Variants in COL4A1 observed in about 807,000 individuals in gnomAD.
COL4A1 encodes the protein collagen alpha-1(IV) chain.
Under a neutral mutation model 216.6 loss-of-function variants are expected in COL4A1, and 40 were observed. The observed-to-expected ratio is 0.18, with a 90% CI of 0.14 to 0.24. COL4A1 has a LOEUF of 0.24. Among genes scored for constraint, COL4A1 ranks in the 10% least tolerant of loss-of-function variants. The probability of loss-of-function intolerance (pLI) is 1.00; values close to 1 mark genes in which losing one functional copy is unlikely to be tolerated. For missense variants in COL4A1, 1,628 were observed against 2,196.8 expected (o/e 0.74, Z 5.18); for synonymous variants, 839 against 810.7 (o/e 1.03, Z -0.59).
chr13:110,172,698 G>A (rs373720242), intron 41 of COL4A1, 22 bp downstream of exon 41: 11 of 1,611,792 alleles, frequency 6.8e-6, no homozygotes, highest in African/African-American at 6.7e-5. Flanking sequence ...TGAAAAGGAA[G>A]AGCACAGTGA....
intron 2 of COL4A1, among the ~76,000 whole-genome samples, chr13:110,227,340 T>C (rs1880778869): frequency 6.6e-6 from 1 of 151,552 alleles, no homozygotes; most frequent in Non-Finnish European, 1.5e-5. Flanking sequence ...GGATTTTTTT[T>C]TAAGTTACAT....
At chr13:110,217,316 G>C (rs2139211390) in intron 2 of COL4A1, among the ~76,000 whole-genome samples, 1 of 152,298 alleles carries the variant, frequency 6.6e-6, no homozygotes, top group South Asian at 2.1e-4. Context: ...AAGGTTATTG[G>C]AGCTAGCAGG....
Position 110,156,577 on chromosome 13 carries a change from A to G in COL4A1, c.4641-1180T>C, listed in dbSNP as rs867573350. ...CTCCCAAGCCAGGCTGATTCAGCTCAGCCTTGGGACTGCACCAGAAACACA... is the reference window on the plus strand; with the variant it reads ...CTCCCAAGCCAGGCTGATTCAGCTCGGCCTTGGGACTGCACCAGAAACACA... On this transcript the variant is annotated intron_variant, in intron 49 of 51. Coordinates refer to ENST00000375820, the MANE Select transcript of COL4A1 (RefSeq NM_001845.6). Among the ~76,000 whole-genome samples the G allele has an allele frequency of 2.6e-5, 4 of 152,336 alleles. No homozygotes were observed. In the Middle Eastern group the frequency reaches 0.01, roughly 389 times the overall value.
chr13:110,284,318 C>T (rs1883754687), intron 1 of COL4A1, among the ~76,000 whole-genome samples: 1 of 152,184 alleles, frequency 6.6e-6, no homozygotes, highest in African/African-American at 2.4e-5. Flanking sequence ...CCACAAGCAT[C>T]TCTCTAACAT....
intron 1 of COL4A1, among the ~76,000 whole-genome samples, chr13:110,267,993 CT>C (rs1481608704): frequency 6.7e-6 from 1 of 149,264 alleles, no homozygotes; most frequent in Non-Finnish European, 1.5e-5. Flanking sequence ...TCATCAACAC[CT>C]AGAACACAGC....
At chr13:110,302,454 G>A (rs1201298149) in intron 1 of COL4A1, among the ~76,000 whole-genome samples, 2 of 152,178 alleles carry the variant, frequency 1.3e-5, no homozygotes, top group Middle Eastern at 3.2e-3. Context: ...GTGGAAGTTA[G>A]AGAGTGCAAA....
chr13:110,240,763 C>T (rs1222957861), intron 2 of COL4A1, among the ~76,000 whole-genome samples: 1 of 152,192 alleles, frequency 6.6e-6, no homozygotes, highest in Non-Finnish European at 1.5e-5. Flanking sequence ...TGTCAGTTGA[C>T]AGGTAGGGAA....
intron 2 of COL4A1, among the ~76,000 whole-genome samples, chr13:110,219,824 A>ATG (rs1555307973): frequency 2.3e-5 from 3 of 130,730 alleles, no homozygotes; most frequent in African/African-American, 8.6e-5. Flanking sequence ...ATATGTATAT[A>ATG]TATGTATGTA....
chr13:110,166,796 A>G (rs694225), intron 44 of COL4A1, among the ~76,000 whole-genome samples: 93,986 of 152,026 alleles, frequency 0.62, 29,533 homozygotes, highest in South Asian at 0.68. Flanking sequence ...TGTTTTATTC[A>G]CCTTTCACGT....
At chr13:110,306,794 C>G (rs1426822455) in intron 1 of COL4A1, 150 bp downstream of exon 1, 3 of 634,072 alleles carry the variant, frequency 4.7e-6, no homozygotes, top group East Asian at 3.5e-5. Flanking sequence ...ACAGGGACCC[C>G]CAACGAACCC....
chr13:110,170,208 C>T (rs1052464772), intron 42 of COL4A1, among the ~76,000 whole-genome samples: 2 of 152,026 alleles, frequency 1.3e-5, no homozygotes, highest in African/African-American at 4.8e-5. Flanking sequence ...CAGTGGTGCC[C>T]GGGCATCTGT....
chr13:110,251,612 G>T (rs1432984511), intron 1 of COL4A1, among the ~76,000 whole-genome samples: 1 of 152,264 alleles, frequency 6.6e-6, no homozygotes, highest in Non-Finnish European at 1.5e-5. Context: ...GGGCATGCCA[G>T]AGGGGGACTC....
chr13:110,189,169 T>C (rs1433443216), intron 24 of COL4A1, among the ~76,000 whole-genome samples: 1 of 152,210 alleles, frequency 6.6e-6, no homozygotes, highest in African/African-American at 2.4e-5. Flanking sequence ...GTTCAAGAGA[T>C]TCTCCTGCCT....
chr13:110,222,622 A>T (rs1880546688), intron 2 of COL4A1, among the ~76,000 whole-genome samples: 2 of 146,320 alleles, frequency 1.4e-5, no homozygotes, highest in Non-Finnish European at 1.5e-5. Context: ...AAATACAAAA[A>T]ATTAGCCGGG....
intron 1 of COL4A1, among the ~76,000 whole-genome samples, chr13:110,263,392 C>T (rs1285355190): frequency 2.6e-5 from 4 of 152,350 alleles, no homozygotes; most frequent in Non-Finnish European, 4.4e-5. Flanking sequence ...AGCCCCACCA[C>T]GCCCTTACAG....
At chr13:110,214,038 A>G in intron 2 of COL4A1, 23 bp from the exon 3 acceptor site, 2 of 1,595,782 alleles carry the variant, frequency 1.3e-6, no homozygotes, top group Non-Finnish European at 8.6e-7. Flanking sequence ...AACATCAGTC[A>G]GGCAAAAGGC....
chr13:110,286,106 T>C (rs2139305674), intron 1 of COL4A1, among the ~76,000 whole-genome samples: 1 of 152,256 alleles, frequency 6.6e-6, no homozygotes, highest in African/African-American at 2.4e-5. Flanking sequence ...AAGGACTGGA[T>C]ACGGGAATGC....
chr13:110,239,839 CG>C (rs1228727914), intron 2 of COL4A1, among the ~76,000 whole-genome samples: 5 of 152,104 alleles, frequency 3.3e-5, no homozygotes, highest in African/African-American at 1.2e-4. Context: ...GGAACCAGAT[CG>C]GAAACCCTAG....
intron 1 of COL4A1, among the ~76,000 whole-genome samples, chr13:110,288,759 C>T (rs760433850): frequency 2.0e-4 from 30 of 152,144 alleles, no homozygotes; most frequent in Non-Finnish European, 3.7e-4. Flanking sequence ...TCAGGCCAGG[C>T]GCGGTGGCTC....
Sources: gnomAD v4.1 joint callset for allele counts (sites outside exome capture counted in the v4.1 genomes callset) on GRCh38, gnomAD v4.1.1 for gene constraint, MANE v1.5 for transcripts, NCBI Gene and HGNC (gene_info 2026-07-23, HGNC 2026-07-21) for gene names.